The following ZNF345 variants were observed in gnomAD, a reference collection of about 807,000 sequenced individuals.
ZNF345 encodes zinc finger protein HZF10.
For synonymous variants in ZNF345, 166 were observed against 187.9 expected, an observed-to-expected ratio of 0.88 and a Z score of 0.95; for missense variants, 527 against 589.9, an observed-to-expected ratio of 0.89 and a Z score of 1.10.
chr19:36,870,076 C>A (rs1301175047), intron 2 of ZNF345, among the ~76,000 whole-genome samples: 2 of 152,176 alleles, frequency 1.3e-5, no homozygotes, highest in African/African-American at 4.8e-5. Flanking sequence ...CCACTGCACC[C>A]AGCCCATTTA....
In ZNF345 at chr19:36,877,278, G is replaced by T. The variant is rs2072902796; in HGVS notation, c.448G>T (p.Glu150Ter). ...HTGEKPYECK[E>*]CGKAFSFGSG... ...TGGTGAGAAACCCTATGAGTGTAAGGAATGTGGGAAAGCCTTTAGTTTTGG... is the reference window on the plus strand; with the variant it reads ...TGGTGAGAAACCCTATGAGTGTAAGTAATGTGGGAAAGCCTTTAGTTTTGG... Residue 150 changes from glutamate to a stop codon, truncating the protein, a stop_gained, in exon 3 of 3, where the codon GAA (glutamate) becomes TAA (stop). Transcript: ENST00000420450. LOFTEE classifies it low-confidence loss of function (END_TRUNC). 6.2e-7 allele frequency: 1 copy of T among 1,614,116 alleles called. No homozygotes were observed. The highest frequency in any genetic ancestry group is 2.2e-5 in the East Asian group (1 of 44,872).
At chr19:36,858,745 G>A (rs1202592757) in intron 2 of ZNF345, among the ~76,000 whole-genome samples, 2 of 152,068 alleles carry the variant, frequency 1.3e-5, no homozygotes, top group Non-Finnish European at 1.5e-5. Context: ...CAGCCTAGGC[G>A]ACAGAGTAAG....
intron 2 of ZNF345, among the ~76,000 whole-genome samples, chr19:36,857,516 T>C (rs2072447628): frequency 1.3e-5 from 2 of 152,146 alleles, no homozygotes; most frequent in Middle Eastern, 3.4e-3. Flanking sequence ...TCCATGTTGG[T>C]CAGGCTGGTC....
At chr19:36,873,072 A>G (rs2072803156) in intron 2 of ZNF345, among the ~76,000 whole-genome samples, 2 of 151,998 alleles carry the variant, frequency 1.3e-5, no homozygotes, top group African/African-American at 2.4e-5. Flanking sequence ...TCTTTTTTGT[A>G]TGGGTTTTAA....
At chr19:36,880,894 A>G (rs947304270), downstream of ZNF345, among the ~76,000 whole-genome samples, 8 of 152,306 alleles carry the variant, frequency 5.3e-5, no homozygotes, top group African/African-American at 1.7e-4. Context: ...GAAATTTTAT[A>G]GCTCTAAATT....
downstream of ZNF345, among the ~76,000 whole-genome samples, chr19:36,880,080 C>A (rs2072959545): frequency 6.6e-6 from 1 of 152,156 alleles, no homozygotes; most frequent in Admixed American, 6.5e-5. Context: ...CCTGTAATTT[C>A]AGCACTTTGG....
intron 2 of ZNF345, among the ~76,000 whole-genome samples, chr19:36,860,887 G>A (rs896262179): frequency 6.6e-6 from 1 of 151,784 alleles, no homozygotes; most frequent in Non-Finnish European, 1.5e-5. Flanking sequence ...TCCATCCACT[G>A]ATAATTATTC....
In ZNF345 at chr19:36,877,678, A is replaced by G; in HGVS notation, c.848A>G (p.Glu283Gly). 2 of 1,614,214 alleles carry G rather than the reference A, an allele frequency of 1.2e-6. No individual in the cohort carries two copies. The highest frequency in any genetic ancestry group is 2.2e-5 in the South Asian group (2 of 91,078). Reference sequence around the variant, plus strand: ...CGACATCAAAGAATTCATACTGGTGAGAAACCTTATGTATGTAAGGAATGT... The same window carrying G: ...CGACATCAAAGAATTCATACTGGTGGGAAACCTTATGTATGTAAGGAATGT... The part of the protein sequence containing the change: ...LTRHQRIHTG[E>G]KPYVCKECGK... The change falls in exon 3 of 3, where the codon GAG (glutamate) becomes GGG (glycine). Residue 283 changes from glutamate (E) to glycine (G), a missense_variant. Glu to Gly is a moderately conservative substitution (Grantham distance 98). Coordinates refer to ENST00000420450, the MANE Select transcript of ZNF345 (RefSeq NM_001242472.2).
chr19:36,888,863 C>T (rs1164896977), intron 3 of ZNF345: 1 of 152,320 alleles, frequency 6.6e-6, no homozygotes, highest in Non-Finnish European at 1.5e-5. Flanking sequence ...ACCTCCGCTT[C>T]TCAGGTTCAA....
At chr19:36,892,228 T>C in intron 3 of ZNF345, 6 of 1,614,118 alleles carry the variant, frequency 3.7e-6, no homozygotes, top group Non-Finnish European at 5.1e-6. Context: ...CTTCCCATAC[T>C]CCTTAGATTC....
In ZNF345 at chr19:36,878,112, T is replaced by C. The variant is rs747797576; in HGVS notation, c.1282T>C (p.Cys428Arg). The C allele has an allele frequency of 1.9e-6, 3 of 1,614,048 alleles. No individual in the cohort carries two copies. Among genetic ancestry groups the C allele is most frequent in the Non-Finnish European group, 8.5e-7 (1 of 1,179,978 alleles). ...RIHTGEKPYE[C>R]KECGKAFYSG... ...ACACACTGGTGAGAAACCCTATGAA[T>C]GTAAGGAGTGTGGGAAGGCTTTTTA... is the stretch of plus-strand genomic sequence containing the variant. The change falls in exon 3 of 3, where the codon TGT becomes CGT. Residue 428 changes from cysteine to arginine, a missense_variant. Coordinates refer to ENST00000420450, the MANE Select transcript of ZNF345 (RefSeq NM_001242472.2).
At chr19:36,868,161 C>T (rs2072700253) in intron 2 of ZNF345, among the ~76,000 whole-genome samples, 1 of 151,998 alleles carries the variant, frequency 6.6e-6, no homozygotes, top group Admixed American at 6.6e-5. Context: ...TGCCACCACG[C>T]CCAGCTAATT....
chr19:36,878,343 T>G lies in ZNF345; in HGVS notation c.*46T>G. 6.7e-7 allele frequency: 1 copy of G among 1,501,484 alleles called. No homozygotes were observed. 93.0% of individuals were successfully genotyped at this position (1,501,484 alleles called of 1,614,324 possible). ...ACTCTAAACATATGACTTAAGAAAA[T>G]TCATAGTGGTGAAAATCTCTACAAA... On this transcript the variant is annotated 3_prime_UTR_variant, in exon 3 of 3. Transcript: ENST00000420450.
intron 2 of ZNF345, among the ~76,000 whole-genome samples, chr19:36,867,088 T>A (rs888903307): frequency 6.6e-6 from 1 of 152,174 alleles, no homozygotes; most frequent in Non-Finnish European, 1.5e-5. Context: ...TCTTTCAAAG[T>A]GGTTGTATGA....
chr19:36,854,048 C>T (rs1028337392), intron 2 of ZNF345, among the ~76,000 whole-genome samples: 8 of 152,184 alleles, frequency 5.3e-5, no homozygotes, highest in Non-Finnish European at 8.8e-5. Context: ...CTTCTAATAA[C>T]ATGAGCCTCT....
At chr19:36,881,632 T>C (rs944289677), downstream of ZNF345, among the ~76,000 whole-genome samples, 4 of 152,178 alleles carry the variant, frequency 2.6e-5, no homozygotes, top group East Asian at 5.8e-4. Context: ...GTATATTTTA[T>C]GTCTTTTTAA....
intron 2 of ZNF345, among the ~76,000 whole-genome samples, chr19:36,861,170 T>C (rs1482498215): frequency 6.6e-6 from 1 of 152,206 alleles, no homozygotes; most frequent in Non-Finnish European, 1.5e-5. Flanking sequence ...CTGTGTTCCT[T>C]TGACTTGTCT....
At chr19:36,885,493 G>T (rs2072991547) in intron 3 of ZNF345, among the ~76,000 whole-genome samples, 1 of 151,902 alleles carries the variant, frequency 6.6e-6, no homozygotes, top group East Asian at 1.9e-4. Flanking sequence ...TGATGAATTG[G>T]AGTTTTTAAT....
chr19:36,865,413 G>A (rs1271803364), intron 2 of ZNF345, among the ~76,000 whole-genome samples: 2 of 152,126 alleles, frequency 1.3e-5, no homozygotes, highest in African/African-American at 4.8e-5. Flanking sequence ...ATTTATCTAA[G>A]ACTGACTTTG....
Sources: allele counts gnomAD v4.1 joint callset (sites outside exome capture counted in the v4.1 genomes callset), GRCh38; gene constraint gnomAD v4.1.1; transcripts MANE v1.5; gene names NCBI Gene and HGNC (gene_info 2026-07-23, HGNC 2026-07-21).